Variants in GRM5 observed in about 807,000 individuals in gnomAD.
GRM5 encodes metabotropic glutamate receptor 5.
A neutral mutation model predicts 83.1 loss-of-function variants in GRM5; 19 were observed. That is an observed-to-expected ratio of 0.23 (90% confidence interval 0.16 to 0.34). The LOEUF is 0.34. Among genes scored for constraint, GRM5 ranks in the 10% least tolerant of loss-of-function variants. The probability of loss-of-function intolerance (pLI) is 1.00; values close to 1 mark genes in which losing one functional copy is unlikely to be tolerated. For synonymous variants in GRM5, 675 were observed against 633.6 expected (o/e 1.07, Z -0.98); for missense variants, 1,160 against 1,588.3 (o/e 0.73, Z 4.58).
chr11:88,596,981 C>A (rs770719006), intron 6 of GRM5, among the ~76,000 whole-genome samples: 3 of 152,038 alleles, frequency 2.0e-5, no homozygotes, highest in Non-Finnish European at 4.4e-5. Flanking sequence ...AAACATGACT[C>A]ATCAACTGGT....
intron 2 of GRM5, among the ~76,000 whole-genome samples, chr11:89,019,555 A>AT (rs1295927299): frequency 6.6e-6 from 1 of 151,410 alleles, no homozygotes; most frequent in Non-Finnish European, 1.5e-5. Flanking sequence ...AAAAAAAAAA[A>AT]TTAGCTGGTC....
intron 2 of GRM5, among the ~76,000 whole-genome samples, chr11:88,854,083 A>G (rs959120953): frequency 2.8e-5 from 3 of 108,616 alleles, no homozygotes; most frequent in Non-Finnish European, 5.3e-5. Context: ...TATATACACA[A>G]TGAAATACTA....
At chr11:88,939,471 G>A (rs1938011838) in intron 2 of GRM5, among the ~76,000 whole-genome samples, 1 of 151,696 alleles carries the variant, frequency 6.6e-6, no homozygotes, top group Non-Finnish European at 1.5e-5. Context: ...AAGTTGTAAT[G>A]TGTGTATTTT....
intron 4 of GRM5, among the ~76,000 whole-genome samples, chr11:88,643,760 G>T (rs1176703251): frequency 2.4e-5 from 1 of 40,932 alleles, no homozygotes; most frequent in African/African-American, 3.7e-5. Flanking sequence ...TCTTTCAGTA[G>T]ATTTTTTTTT....
At chr11:88,905,630 C>A (rs1465691116) in intron 2 of GRM5, among the ~76,000 whole-genome samples, 1 of 152,138 alleles carries the variant, frequency 6.6e-6, no homozygotes, top group Non-Finnish European at 1.5e-5. Context: ...GCATGAGCCA[C>A]CATGCCTGGA....
intron 3 of GRM5, among the ~76,000 whole-genome samples, chr11:88,808,367 A>AAACTGTAT (rs1943533454): frequency 6.6e-6 from 1 of 152,042 alleles, no homozygotes; most frequent in Non-Finnish European, 1.5e-5. Context: ...TTTACCATGT[A>AAACTGTAT]AACTGTATAG....
At chr11:88,898,424 C>T (rs964383742) in intron 2 of GRM5, among the ~76,000 whole-genome samples, 2 of 151,906 alleles carry the variant, frequency 1.3e-5, no homozygotes, top group African/African-American at 4.8e-5. Context: ...ATAATTCAAC[C>T]AAAACACCAG....
chr11:88,752,449 G>T (rs1942299120), intron 3 of GRM5, among the ~76,000 whole-genome samples: 1 of 152,102 alleles, frequency 6.6e-6, no homozygotes, highest in African/African-American at 2.4e-5. Context: ...AAATAAATGA[G>T]AGAGGACACA....
chr11:89,062,227 G>T (rs112199829), intron 1 of GRM5, among the ~76,000 whole-genome samples: 7,672 of 152,244 alleles, frequency 0.05, 328 homozygotes, highest in African/African-American at 0.12. Context: ...ATTAAAGGAG[G>T]AAACTCCCTG....
chr11:88,665,653 A>G (rs2135324023), intron 3 of GRM5, among the ~76,000 whole-genome samples: 1 of 152,322 alleles, frequency 6.6e-6, no homozygotes, highest in Non-Finnish European at 1.5e-5. Context: ...TTTAGGTATC[A>G]TATGCTCAAT....
Position 88,508,868 on chromosome 11 carries a change from G to C in GRM5, c.3363C>G (p.Ile1121Met). ...TFAEIQPLPAIEVTGGAQPAA... is the reference protein window; with the variant it reads ...TFAEIQPLPAMEVTGGAQPAA... The stretch of plus-strand genomic sequence containing the variant: ...CGGGCTGCGCGCCTCCCGTGACTTC[G>C]ATGGCCGGCAGAGGCTGGATTTCGG... Residue 1121 changes from isoleucine to methionine, a missense_variant, in exon 10 of 10, where the codon ATC (isoleucine) becomes ATG (methionine). By Grantham distance (10) the Ile-to-Met change is conservative. Coordinates refer to ENST00000305447, the MANE Select transcript of GRM5 (RefSeq NM_001143831.3). The surrounding 1 kb of genome is among the most constrained non-coding windows in gnomAD (Gnocchi z 4.2). 1 of 1,584,436 alleles carries C rather than the reference G, an allele frequency of 6.3e-7. No homozygotes were observed. The highest frequency in any genetic ancestry group is 8.6e-7 in the Non-Finnish European group (1 of 1,166,870).
chr11:88,805,360 T>A lies in GRM5; in HGVS notation c.911+44546A>T, dbSNP rs184496867. ...GCATGCGCCACCACGCCCGGCTAAT[T>A]TTTGTATTTTTAGTAGAGATGGAGT... On this transcript the variant is annotated intron_variant, in intron 3 of 9. Coordinates refer to ENST00000305447, the MANE Select transcript of GRM5 (RefSeq NM_001143831.3). Among the ~76,000 whole-genome samples the A allele has an allele frequency of 1.3e-3, 194 of 152,066 alleles. 3 individuals are homozygous for A. The East Asian group carries it at 0.028, about 22-fold the overall frequency.
intron 2 of GRM5, among the ~76,000 whole-genome samples, chr11:88,875,454 T>C (rs144552453): frequency 0.025 from 3,850 of 152,034 alleles, 172 homozygotes; most frequent in African/African-American, 0.088. Context: ...CCCCTCAAAA[T>C]CATCCATGAG....
intron 3 of GRM5, among the ~76,000 whole-genome samples, chr11:88,654,637 G>C (rs1240325608): frequency 6.6e-6 from 1 of 152,062 alleles, no homozygotes; most frequent in African/African-American, 2.4e-5. Flanking sequence ...CTGGGAGTAG[G>C]GGCAGTGGGT....
At chr11:88,818,854 G>A (rs1943735742) in intron 3 of GRM5, among the ~76,000 whole-genome samples, 1 of 152,086 alleles carries the variant, frequency 6.6e-6, no homozygotes, top group Admixed American at 6.5e-5. Context: ...TTATTGTATA[G>A]ACTCAAAAAG....
rs146120879 is a variant in GRM5 at position 88,654,147 on chromosome 11, T to C, written c.912-744A>G. ...ATCATACTCCTCAACATAACTATCA[T>C]TCTATGCACTGCTCACTCAAAGTTA... On this transcript the variant is annotated intron_variant, in intron 3 of 9. Coordinates refer to ENST00000305447, the MANE Select transcript of GRM5 (RefSeq NM_001143831.3). Among the ~76,000 whole-genome samples, 106 of 152,258 alleles carry C rather than the reference T, an allele frequency of 7.0e-4. No individual in the cohort carries two copies. The Middle Eastern group carries it at 0.014, about 20-fold the overall frequency.
intron 3 of GRM5, among the ~76,000 whole-genome samples, chr11:88,832,997 A>G (rs1944022928): frequency 6.6e-6 from 1 of 151,950 alleles, no homozygotes; most frequent in Non-Finnish European, 1.5e-5. Flanking sequence ...TAAGACCCCA[A>G]ACTATAAAAC....
At chr11:88,706,629 T>C (rs1941165651) in intron 3 of GRM5, among the ~76,000 whole-genome samples, 1 of 152,110 alleles carries the variant, frequency 6.6e-6, no homozygotes, top group African/African-American at 2.4e-5. Flanking sequence ...GGTCACCTTA[T>C]TTTTAAAACT....
intron 3 of GRM5, among the ~76,000 whole-genome samples, chr11:88,711,516 G>T (rs967437091): frequency 2.6e-5 from 4 of 152,096 alleles, no homozygotes; most frequent in Non-Finnish European, 5.9e-5. Flanking sequence ...TAGCACCCAT[G>T]GTTCTCATGC....
Sources: gnomAD v4.1 joint callset for allele counts (sites outside exome capture counted in the v4.1 genomes callset) on GRCh38, gnomAD v4.1.1 for gene constraint, Gnocchi (gnomAD v3.1) non-coding constraint, MANE v1.5 for transcripts, NCBI Gene and HGNC (gene_info 2026-07-23, HGNC 2026-07-21) for gene names.